LZIC: variants seen among roughly 807,000 people sequenced by gnomAD.
LZIC encodes protein LZIC.
LZIC carries 28 observed loss-of-function variants against 25.4 expected under a neutral mutation model. The observed-to-expected ratio is 1.10, with a 90% CI of 0.82 to 1.51. The LOEUF is 1.51. Among genes scored for constraint, LZIC ranks in the 40% most tolerant of loss-of-function variants. LZIC has a pLI of 0.00. For synonymous variants in LZIC, 65 were observed against 70.7 expected (o/e 0.92, Z 0.40); for missense variants, 170 against 211.1 (o/e 0.81, Z 1.21).
chr1:9,935,578 C>A lies in LZIC; in HGVS notation c.151G>T (p.Glu51Ter), dbSNP rs913348629. The A allele has an allele frequency of 3.1e-6, 5 of 1,611,692 alleles. No individual in the cohort carries two copies. In the African/African-American group the frequency reaches 6.7e-5, roughly 22 times the overall value. The change falls in exon 4 of 8, where the codon GAG becomes TAG. Residue 51 changes from glutamate to a stop codon, truncating the protein, a stop_gained. Transcript: ENST00000377223. LOFTEE classifies it high-confidence loss of function. ...EYEETKKETL[E>*]QLSEFNDSLK... Reference sequence around the variant, plus strand: ...GAATCATTAAATTCACTTAGTTGCTCCAGAGTTTCCTTTTTGGTTTCTTCA... The same window carrying A: ...GAATCATTAAATTCACTTAGTTGCTACAGAGTTTCCTTTTTGGTTTCTTCA...
At chr1:9,939,361 T>A (rs896941267) in intron 2 of LZIC, among the ~76,000 whole-genome samples, 9 of 75,842 alleles carry the variant, frequency 1.2e-4, no homozygotes, top group Middle Eastern at 0.01. Flanking sequence ...CCCACTTGGC[T>A]TTTTTTTTTT....
At chr1:9,924,758 G>GA (rs1208676947), downstream of LZIC, among the ~76,000 whole-genome samples, 1 of 152,018 alleles carries the variant, frequency 6.6e-6, no homozygotes, top group Non-Finnish European at 1.5e-5. Context: ...TAATGTTGGG[G>GA]AAAAAACAAC....
intron 6 of LZIC, 112 bp downstream of exon 6, chr1:9,932,691 A>C: frequency 1.7e-6 from 1 of 573,354 alleles, no homozygotes; most frequent in Non-Finnish European, 2.9e-6. Flanking sequence ...CTCAGAAAAA[A>C]AAAAAAAAAA....
downstream of LZIC, among the ~76,000 whole-genome samples, chr1:9,923,518 C>CTTTTTT (rs60858066): frequency 4.0e-5 from 3 of 74,170 alleles, no homozygotes; most frequent in African/African-American, 1.5e-4. Context: ...CCCAATGCTT[C>CTTTTTT]TTTTTTTTTT....
At chr1:9,942,899 C>G in intron 1 of LZIC, 117 bp from the exon 2 acceptor site, 1 of 360,952 alleles carries the variant, frequency 2.8e-6, no homozygotes, top group East Asian at 7.3e-5. Context: ...GGGGCACTTT[C>G]CCCCTCGACT....
chr1:9,928,322 C>T lies in LZIC; in HGVS notation c.*2077G>A, dbSNP rs773482420. The stretch of plus-strand genomic sequence containing the variant: ...AGTGAAACTCCATCTCAAAAAACAA[C>T]GACAACAACAACAACACAACAACAA... On this transcript the variant is annotated 3_prime_UTR_variant, in exon 8 of 8. Transcript: ENST00000377223. Among the ~76,000 whole-genome samples the T allele has an allele frequency of 6.6e-5, 10 of 151,658 alleles. No individual in the cohort carries two copies. Among genetic ancestry groups the T allele is most frequent in the African/African-American group, 1.2e-4 (5 of 41,298 alleles).
At chr1:9,933,306 A>G (rs1220397) in intron 5 of LZIC, among the ~76,000 whole-genome samples, 77,435 of 134,718 alleles carry the variant, frequency 0.57, 26,981 homozygotes, top group Non-Finnish European at 0.77. Flanking sequence ...ATATATACAC[A>G]TACATATAGC....
intron 3 of LZIC, 92 bp downstream of exon 3, chr1:9,936,427 T>C: frequency 2.5e-6 from 2 of 789,038 alleles, no homozygotes; most frequent in Non-Finnish European, 4.4e-6. Flanking sequence ...TACAGGGGAA[T>C]GCAGAATCAT....
intron 3 of LZIC, 37 bp from the exon 4 acceptor site, chr1:9,935,664 G>T: frequency 6.4e-7 from 1 of 1,559,834 alleles, no homozygotes; most frequent in East Asian, 2.3e-5. Context: ...GAAAAATGAA[G>T]AGTTCCAAGT....
chr1:9,933,042 C>G, intron 5 of LZIC, 144 bp from the exon 6 acceptor site: 5 of 570,378 alleles, frequency 8.8e-6, no homozygotes. Context: ...ATCACGAGGT[C>G]AGGAGACCAA....
chr1:9,935,735 T>A, intron 3 of LZIC, 108 bp from the exon 4 acceptor site: 1 of 1,000,578 alleles, frequency 1.0e-6, no homozygotes, highest in Non-Finnish European at 1.5e-6. Flanking sequence ...ATCAAAATGC[T>A]GATGGTGAAT....
chr1:9,936,908 G>A (rs1300507396), intron 2 of LZIC, among the ~76,000 whole-genome samples: 1 of 152,148 alleles, frequency 6.6e-6, no homozygotes, highest in African/African-American at 2.4e-5. Flanking sequence ...GAGGCGGGTG[G>A]ATCACAAGGT....
chr1:9,932,362 G>T (rs986771660), intron 6 of LZIC, among the ~76,000 whole-genome samples: 7 of 136,396 alleles, frequency 5.1e-5, no homozygotes, highest in Admixed American at 2.2e-4. Context: ...AAAAAAAAAA[G>T]GTAGAGGGGA....
chr1:9,935,731 A>C, intron 3 of LZIC, 104 bp from the exon 4 acceptor site: 1 of 1,058,144 alleles, frequency 9.5e-7, no homozygotes, highest in South Asian at 1.6e-5. Flanking sequence ...AAATATCAAA[A>C]TGCTGATGGT....
At chr1:9,923,877 C>G (rs370244566), downstream of LZIC, among the ~76,000 whole-genome samples, 65 of 152,104 alleles carry the variant, frequency 4.3e-4, no homozygotes, top group East Asian at 0.011. Flanking sequence ...CTCAGCCTCC[C>G]GAGTAGCCGG....
At chr1:9,941,272 G>A (rs1368776789) in intron 2 of LZIC, among the ~76,000 whole-genome samples, 2 of 151,686 alleles carry the variant, frequency 1.3e-5, no homozygotes, top group African/African-American at 4.8e-5. Context: ...TTGGTTCACT[G>A]CAACCTCTGC....
At chr1:9,942,963 G>C in intron 1 of LZIC, 181 bp from the exon 2 acceptor site, 1 of 352,454 alleles carries the variant, frequency 2.8e-6, no homozygotes, top group Non-Finnish European at 5.6e-6. Flanking sequence ...GAGGGTCTTT[G>C]AGGAAAATCC....
intron 4 of LZIC, among the ~76,000 whole-genome samples, 176 bp downstream of exon 4, chr1:9,935,314 GCT>G (rs1345137645): frequency 6.6e-6 from 1 of 152,160 alleles, no homozygotes; most frequent in Admixed American, 6.6e-5. Context: ...TGTAATCCCA[GCT>G]CCTCAGGAGG....
intron 1 of LZIC, chr1:9,943,030 G>A: frequency 3.2e-6 from 1 of 311,222 alleles, no homozygotes; most frequent in Non-Finnish European, 6.5e-6. Context: ...GAAAAGGTAA[G>A]GGCGGAGAGC....
Sources: gnomAD v4.1 joint callset for allele counts (sites outside exome capture counted in the v4.1 genomes callset) on GRCh38, gnomAD v4.1.1 for gene constraint, MANE v1.5 for transcripts, NCBI Gene and HGNC (gene_info 2026-07-23, HGNC 2026-07-21) for gene names.